LAMA2: variants seen among roughly 807,000 people sequenced by gnomAD.
LAMA2 encodes the protein laminin subunit alpha-2.
In LAMA2, 269 loss-of-function variants were observed where a neutral mutation model predicts 364.8. The ratio of observed to expected loss-of-function variants is 0.74; its 90% CI spans 0.67 to 0.82. The LOEUF (loss-of-function observed/expected upper bound fraction) is 0.82. Among genes scored for constraint, LAMA2 ranks in the 40% least tolerant of loss-of-function variants. LAMA2 has a pLI of 0.00. For synonymous variants in LAMA2, 1,379 were observed against 1,370.6 expected (o/e 1.01, Z -0.14); for missense variants, 3,807 against 3,873.2 (o/e 0.98, Z 0.45).
intron 1 of LAMA2, among the ~76,000 whole-genome samples, chr6:128,935,826 T>C (rs1385267712): frequency 6.6e-6 from 1 of 152,190 alleles, no homozygotes; most frequent in Non-Finnish European, 1.5e-5. Context: ...TAGTACTATG[T>C]TGATTGGGAG....
In LAMA2 at chr6:129,366,240, G is replaced by T. The variant is rs1777766788; in HGVS notation, c.4739G>T (p.Gly1580Val). The change falls in exon 33 of 65, where the codon GGC becomes GTC. Residue 1580 changes from glycine to valine, a missense_variant. By Grantham distance (109) the Gly-to-Val change is moderately radical (BLOSUM62 -3). Coordinates refer to ENST00000421865, the MANE Select transcript of LAMA2 (RefSeq NM_000426.4). The stretch of plus-strand genomic sequence containing the variant: ...ACAGTTTGTGGAGATGAGTGCACTG[G>T]CCTTCTTCTCGGTGACTTGGCTCGC... ...ECVFCGDECT[G>V]LLLGDLARLE... 1 of 1,613,748 alleles carries T rather than the reference G, an allele frequency of 6.2e-7. No individual in the cohort carries two copies. The highest frequency in any genetic ancestry group is 8.5e-7 in the Non-Finnish European group (1 of 1,179,932).
intron 20 of LAMA2, among the ~76,000 whole-genome samples, chr6:129,293,875 A>G (rs182833344): frequency 1.0e-3 from 154 of 152,300 alleles, no homozygotes; most frequent in African/African-American, 3.5e-3. Context: ...TAAAAAACAA[A>G]TTTTGATGTC....
intron 1 of LAMA2, among the ~76,000 whole-genome samples, chr6:129,012,636 A>G (rs144497953): frequency 6.6e-6 from 1 of 152,336 alleles, no homozygotes; most frequent in East Asian, 1.9e-4. Context: ...ACTGAAGGAC[A>G]AGAATATTCT....
intron 56 of LAMA2, among the ~76,000 whole-genome samples, chr6:129,491,656 C>A (rs1784869411): frequency 6.6e-6 from 1 of 152,218 alleles, no homozygotes; most frequent in African/African-American, 2.4e-5. Flanking sequence ...GTCAGCTCTA[C>A]AAGAGGCTAA....
At chr6:129,301,540 G>A (rs915141155) in intron 22 of LAMA2, among the ~76,000 whole-genome samples, 26 of 152,112 alleles carry the variant, frequency 1.7e-4, no homozygotes, top group African/African-American at 6.0e-4. Context: ...TGAATTCATT[G>A]ATTTGGGGAA....
At chr6:129,197,245 C>CTT (rs1781904396) in intron 12 of LAMA2, among the ~76,000 whole-genome samples, 1 of 152,164 alleles carries the variant, frequency 6.6e-6, no homozygotes, top group African/African-American at 2.4e-5. Flanking sequence ...GAATCTCCTT[C>CTT]CCTTACTAAG....
intron 1 of LAMA2, among the ~76,000 whole-genome samples, chr6:129,037,369 A>C (rs1336263292): frequency 6.6e-6 from 1 of 152,302 alleles, no homozygotes; most frequent in African/African-American, 2.4e-5. Flanking sequence ...ATTATTGTAA[A>C]CAGTATATGA....
chr6:129,215,359 G>C (rs1583268797), intron 12 of LAMA2, among the ~76,000 whole-genome samples: 1 of 152,244 alleles, frequency 6.6e-6, no homozygotes, highest in South Asian at 2.1e-4. Flanking sequence ...TGTTATGTTA[G>C]CTGCAATTCT....
chr6:129,099,735 T>C (rs917027280), intron 4 of LAMA2, among the ~76,000 whole-genome samples: 5 of 152,234 alleles, frequency 3.3e-5, no homozygotes, highest in Non-Finnish European at 7.3e-5. Context: ...TATTTTTATA[T>C]TAATGTATAC....
intron 46 of LAMA2, among the ~76,000 whole-genome samples, 199 bp downstream of exon 46, chr6:129,453,330 C>G (rs1015290474): frequency 1.3e-5 from 2 of 152,118 alleles, no homozygotes; most frequent in Non-Finnish European, 2.9e-5. Context: ...AGGAAGAAAA[C>G]TACAGTGTTT....
chr6:129,285,459 G>T (rs530454615), intron 18 of LAMA2, among the ~76,000 whole-genome samples: 2 of 152,118 alleles, frequency 1.3e-5, no homozygotes, highest in Non-Finnish European at 2.9e-5. Context: ...TTATTATGGA[G>T]AATTTCAGTC....
At chr6:129,492,156 G>A (rs1784898761) in intron 57 of LAMA2, 79 bp downstream of exon 57, 1 of 1,430,038 alleles carries the variant, frequency 7.0e-7, no homozygotes. Flanking sequence ...CATCTACATT[G>A]TCTACAGCTA....
Position 129,069,510 on chromosome 6 carries a change from T to C in LAMA2, c.396+9614T>C, listed in dbSNP as rs183183400. ...AATAATGAAGAGACCGTATTTATTA[T>C]AGATCTTGAAACTGTGACTAAAAAC... On this transcript the variant is annotated intron_variant, in intron 3 of 64. Transcript: ENST00000421865. Among the ~76,000 whole-genome samples the C allele has an allele frequency of 1.8e-3, 264 of 149,066 alleles. 3 individuals are homozygous for C. Among genetic ancestry groups the C allele is most frequent in the Non-Finnish European group, 3.1e-3 (210 of 67,386 alleles).
intron 1 of LAMA2, among the ~76,000 whole-genome samples, chr6:129,012,973 C>T (rs1784853810): frequency 6.6e-6 from 1 of 152,188 alleles, no homozygotes; most frequent in South Asian, 2.1e-4. Context: ...GCTGAATTTC[C>T]ACCTGTTCTT....
chr6:129,458,601 A>G (rs945525835), intron 48 of LAMA2, among the ~76,000 whole-genome samples: 8 of 151,990 alleles, frequency 5.3e-5, no homozygotes, highest in Non-Finnish European at 2.9e-5. Context: ...TAGAAAATTA[A>G]GAGGTTCAGA....
chr6:129,146,158 GT>G (rs199936418), intron 5 of LAMA2, among the ~76,000 whole-genome samples: 2 of 151,476 alleles, frequency 1.3e-5, no homozygotes, highest in South Asian at 2.1e-4. Flanking sequence ...AGCTAAATCT[GT>G]TTTTTTTGTG....
chr6:129,186,392 G>A (rs1443459237), intron 10 of LAMA2, among the ~76,000 whole-genome samples: 1 of 151,648 alleles, frequency 6.6e-6, no homozygotes, highest in Non-Finnish European at 1.5e-5. Context: ...CTATGCTTTA[G>A]GGACTGAATT....
intron 1 of LAMA2, among the ~76,000 whole-genome samples, chr6:128,933,644 G>A (rs1779632173): frequency 6.6e-6 from 1 of 152,002 alleles, no homozygotes; most frequent in Non-Finnish European, 1.5e-5. Flanking sequence ...ATCTCACTGT[G>A]GTTTTGATTT....
At chr6:129,392,869 T>C (rs1399631698) in intron 36 of LAMA2, among the ~76,000 whole-genome samples, 176 bp from the exon 37 acceptor site, 1 of 152,234 alleles carries the variant, frequency 6.6e-6, no homozygotes, top group Admixed American at 6.5e-5. Context: ...TAATTATAAA[T>C]GGTCTCAGGT....
Sources: gnomAD v4.1 joint callset for allele counts (sites outside exome capture counted in the v4.1 genomes callset) on GRCh38, gnomAD v4.1.1 for gene constraint, MANE v1.5 for transcripts, NCBI Gene and HGNC (gene_info 2026-07-23, HGNC 2026-07-21) for gene names.